The following CHCHD3 variants were observed in gnomAD, a reference collection of about 807,000 sequenced individuals.
CHCHD3 encodes the protein coiled-coil-helix-coiled-coil-helix domain containing 3.
A neutral mutation model predicts 38.2 loss-of-function variants in CHCHD3; 20 were observed. The observed-to-expected ratio is 0.52, with a 90% CI of 0.37 to 0.76. CHCHD3 has a LOEUF of 0.76. Ranked by LOEUF, CHCHD3 falls within the 30% of genes least tolerant of loss-of-function variation. The pLI is 0.00. For synonymous variants in CHCHD3, 82 were observed against 100.0 expected, an observed-to-expected ratio of 0.82 and a Z score of 1.07; for missense variants, 245 against 279.2, an observed-to-expected ratio of 0.88 and a Z score of 0.87.
intron 6 of CHCHD3, chr7:132,815,603 T>A (rs1196833838): frequency 2.2e-6 from 1 of 456,066 alleles, no homozygotes; most frequent in Non-Finnish European, 4.4e-6. Context: ...AAGAGTCCTG[T>A]TTTGTGATAT....
intron 6 of CHCHD3, among the ~76,000 whole-genome samples, chr7:132,823,859 A>G (rs747404883): frequency 6.6e-6 from 1 of 152,246 alleles, no homozygotes; most frequent in Non-Finnish European, 1.5e-5. Flanking sequence ...TATCATAGCT[A>G]GGAGTAATGA....
intron 7 of CHCHD3, among the ~76,000 whole-genome samples, chr7:132,786,033 C>T (rs567821364): frequency 6.6e-6 from 1 of 152,254 alleles, no homozygotes; most frequent in Admixed American, 6.5e-5. Context: ...AAAACATTAG[C>T]TGGGCATGGT....
At chr7:132,949,756 A>G (rs1406411489) in intron 4 of CHCHD3, among the ~76,000 whole-genome samples, 1 of 152,108 alleles carries the variant, frequency 6.6e-6, no homozygotes, top group Non-Finnish European at 1.5e-5. Context: ...TTGCTTCCTA[A>G]TCACCAAGAA....
chr7:132,968,550 T>C (rs1811534407), intron 4 of CHCHD3, among the ~76,000 whole-genome samples: 1 of 152,188 alleles, frequency 6.6e-6, no homozygotes, highest in Non-Finnish European at 1.5e-5. Context: ...GGTTAGTGTC[T>C]AGGGCAAGAA....
At chr7:132,880,756 A>G (rs971022716) in intron 5 of CHCHD3, among the ~76,000 whole-genome samples, 2 of 152,216 alleles carry the variant, frequency 1.3e-5, no homozygotes, top group African/African-American at 4.8e-5. Context: ...GCTATCATAA[A>G]GAGGTATAAA....
intron 4 of CHCHD3, among the ~76,000 whole-genome samples, chr7:132,933,181 G>A (rs1047666756): frequency 6.6e-6 from 1 of 152,142 alleles, no homozygotes; most frequent in Non-Finnish European, 1.5e-5. Context: ...AGGGCAAAAT[G>A]CAATTTGCAC....
chr7:132,906,962 C>T (rs1809817630), intron 4 of CHCHD3, among the ~76,000 whole-genome samples: 1 of 152,208 alleles, frequency 6.6e-6, no homozygotes, highest in African/African-American at 2.4e-5. Flanking sequence ...ATACACAATT[C>T]ATGATCACCC....
chr7:132,899,377 G>A (rs1809605919), intron 4 of CHCHD3, among the ~76,000 whole-genome samples: 1 of 152,184 alleles, frequency 6.6e-6, no homozygotes, highest in African/African-American at 2.4e-5. Context: ...GGATCCCAAA[G>A]GTGCAGCAGC....
At chr7:132,888,763 G>C (rs79774630) in intron 4 of CHCHD3, among the ~76,000 whole-genome samples, 1 of 151,782 alleles carries the variant, frequency 6.6e-6, no homozygotes, top group Non-Finnish European at 1.5e-5. Flanking sequence ...AGCTGATATC[G>C]TAACAGAAAA....
intron 2 of CHCHD3, among the ~76,000 whole-genome samples, chr7:133,045,031 A>G (rs1158238840): frequency 6.6e-6 from 1 of 152,108 alleles, no homozygotes; most frequent in African/African-American, 2.4e-5. Context: ...TTTCCCCTCT[A>G]CCTAAAGCTT....
chr7:132,808,758 A>T (rs1321931777), intron 6 of CHCHD3, among the ~76,000 whole-genome samples: 5 of 150,528 alleles, frequency 3.3e-5, no homozygotes, highest in African/African-American at 9.8e-5. Flanking sequence ...ATTATACTTT[A>T]AGTTTTAGGG....
At chr7:132,838,343 C>T (rs1017974156) in intron 6 of CHCHD3, 56 bp downstream of exon 6, 2 of 1,187,926 alleles carry the variant, frequency 1.7e-6, no homozygotes, top group Non-Finnish European at 2.5e-6. Flanking sequence ...AGCACTAAAA[C>T]TGTGCTTTCA....
chr7:133,069,672 A>C (rs1318921007), intron 2 of CHCHD3, among the ~76,000 whole-genome samples: 2 of 152,244 alleles, frequency 1.3e-5, no homozygotes, highest in African/African-American at 4.8e-5. Flanking sequence ...GATTTTATTT[A>C]CCACCACATT....
intron 2 of CHCHD3, among the ~76,000 whole-genome samples, chr7:133,043,644 T>G (rs532305080): frequency 1.8e-4 from 25 of 142,596 alleles, no homozygotes; most frequent in Non-Finnish European, 3.5e-4. Context: ...AGACTCCATC[T>G]CAAAAAAAAA....
Position 132,785,446 on chromosome 7 carries a change from C to A in CHCHD3, c.*191G>T, listed in dbSNP as rs1806289290. 3.2e-6 allele frequency: 2 copies of A among 630,762 alleles called. No homozygotes were observed. Among genetic ancestry groups the A allele is most frequent in the Admixed American group, 2.8e-5 (1 of 35,390 alleles). 39.1% of individuals were successfully genotyped at this position (630,762 alleles called of 1,614,324 possible). On this transcript the variant is annotated 3_prime_UTR_variant, in exon 8 of 8. Coordinates refer to ENST00000262570, the MANE Select transcript of CHCHD3 (RefSeq NM_017812.4). The stretch of plus-strand genomic sequence containing the variant: ...TGTCCTTTAATGACTGATCCCTGAT[C>A]AAGGCTTTGGCCCTTCAAACTGCTG...
At chr7:133,057,046 G>A (rs1814360983) in intron 2 of CHCHD3, among the ~76,000 whole-genome samples, 1 of 152,158 alleles carries the variant, frequency 6.6e-6, no homozygotes, top group South Asian at 2.1e-4. Context: ...ATTTCTGAAA[G>A]CATGCAATCA....
At chr7:133,063,587 T>C (rs147241127) in intron 2 of CHCHD3, among the ~76,000 whole-genome samples, 34 of 152,320 alleles carry the variant, frequency 2.2e-4, no homozygotes, top group African/African-American at 7.9e-4. Flanking sequence ...TAACTGAAGA[T>C]GAAAATGGTT....
intron 4 of CHCHD3, among the ~76,000 whole-genome samples, chr7:132,897,664 T>G (rs7789781): frequency 0.97 from 148,020 of 152,318 alleles, 72,076 homozygotes; most frequent in Middle Eastern, 1. Flanking sequence ...TGTAAAAAAT[T>G]ACTAATCAAA....
intron 6 of CHCHD3, among the ~76,000 whole-genome samples, chr7:132,821,335 G>T (rs1177082658): frequency 2.0e-5 from 3 of 152,142 alleles, no homozygotes; most frequent in Admixed American, 1.3e-4. Context: ...TAAGACTGTG[G>T]GGTTTGGGTG....
Sources: gnomAD v4.1 joint callset for allele counts (sites outside exome capture counted in the v4.1 genomes callset) on GRCh38, gnomAD v4.1.1 for gene constraint, MANE v1.5 for transcripts, NCBI Gene and HGNC (gene_info 2026-07-23, HGNC 2026-07-21) for gene names.